Variants in WDHD1 observed in about 807,000 individuals in gnomAD.
The protein encoded by WDHD1 is WD repeat and HMG-box DNA-binding protein 1.
Under a neutral mutation model 135.4 loss-of-function variants are expected in WDHD1, and 111 were observed. The ratio of observed to expected loss-of-function variants is 0.82; its 90% CI spans 0.70 to 0.96. The LOEUF (loss-of-function observed/expected upper bound fraction) is 0.96. Ranked by LOEUF, WDHD1 falls within the 40% of genes least tolerant of loss-of-function variation. The pLI is 0.00. For synonymous variants in WDHD1, 434 were observed against 439.0 expected (o/e 0.99, Z 0.14); for missense variants, 1,351 against 1,336.3 (o/e 1.01, Z -0.17).
intron 24 of WDHD1, among the ~76,000 whole-genome samples, chr14:54,948,425 G>A (rs940529756): frequency 6.6e-6 from 1 of 152,156 alleles, no homozygotes; most frequent in East Asian, 1.9e-4. Flanking sequence ...GGCTCAGAGG[G>A]TCCCATGCCC....
In WDHD1 at chr14:54,996,453, A is replaced by T. The variant is rs189094557; in HGVS notation, c.943-640T>A. 3.0e-3 allele frequency among the ~76,000 whole-genome samples: 463 copies of T among 152,218 alleles called. 2 individuals carry two copies. Among genetic ancestry groups the T allele is most frequent in the Middle Eastern group, 0.01 (3 of 294 alleles). ...TGAAACCTCATCTCCACAAAAAATT[A>T]GCCAGGCATGGTGGCATGTGTCTAT... On this transcript the variant is annotated intron_variant, in intron 10 of 25. Coordinates refer to ENST00000360586, the MANE Select transcript of WDHD1 (RefSeq NM_007086.4).
At position 54,941,576 on chromosome 14, in the gene WDHD1, C is replaced by T. The variant is rs41309252; in HGVS notation, c.3304G>A (p.Glu1102Lys). 25,551 of 1,613,888 alleles carry T rather than the reference C, an allele frequency of 0.016. 270 individuals carry two copies. Among genetic ancestry groups the T allele is most frequent in the Middle Eastern group, 0.062 (378 of 6,058 alleles). Residue 1102 changes from glutamate (E) to lysine (K), a missense_variant, in exon 26 of 26, where the codon GAG becomes AAG. Around this residue, in one of 2 missense-constraint regions of WDHD1, gnomAD observed 1,330 missense variants for 1,296.1 expected, o/e 1.03. Transcript: ENST00000360586. ...TGCTTTTTAGACAAATTCAGGTTCT[C>T]TTTTGCTTTTTCTTCCTGGTTTTCT... is the stretch of plus-strand genomic sequence containing the variant. ...ETENQEEKAK[E>K]NLNLSKKQKP...
intron 10 of WDHD1, among the ~76,000 whole-genome samples, chr14:54,999,101 G>T (rs1212724123): frequency 6.6e-6 from 1 of 152,142 alleles, no homozygotes; most frequent in African/African-American, 2.4e-5. Flanking sequence ...CCCCAAAGAT[G>T]ATTTTTCCAA....
intron 13 of WDHD1, 45 bp from the exon 14 acceptor site, chr14:54,987,432 A>G (rs2041711769): frequency 6.7e-7 from 1 of 1,503,658 alleles, no homozygotes. Context: ...TTCATATGAT[A>G]TTTACATATA....
At position 54,960,561 on chromosome 14, in the gene WDHD1, G is replaced by A. The variant is rs553915646; in HGVS notation, c.2701+1937C>T. On this transcript the variant is annotated intron_variant, in intron 21 of 25. Transcript: ENST00000360586. ...GTCACCTAGGCTGGAGTGCAGTGGC[G>A]TGATCTCCACTTACTGCAACTCCCC... Among the ~76,000 whole-genome samples, 39 of 150,064 alleles carry A rather than the reference G, an allele frequency of 2.6e-4. 1 individual carries two copies. In the South Asian group the frequency reaches 7.8e-3, roughly 30 times the overall value.
rs764132001 is a variant in WDHD1 at position 55,026,724 on chromosome 14, C to CA, written c.63dup (p.Asp22Ter). The CA allele has an allele frequency of 1.2e-6, 2 of 1,614,220 alleles. No homozygotes were observed. Among genetic ancestry groups the CA allele is most frequent in the Admixed American group, 3.3e-5 (2 of 60,028 alleles). Reference sequence around the variant, plus strand: ...AAAGAACCTTACCTCCCAGAATCATCAAAACAGACCTCCGTGTGTCCCTCT... The same window carrying CA: ...AAAGAACCTTACCTCCCAGAATCATCAAAAACAGACCTCCGTGTGTCCCTCT... On this transcript the variant is annotated frameshift_variant, in exon 2 of 26. Transcript: ENST00000360586. LOFTEE classifies it high-confidence loss of function.
At chr14:54,987,434 T>A (rs367755494) in intron 13 of WDHD1, 47 bp from the exon 14 acceptor site, 1 of 1,425,786 alleles carries the variant, frequency 7.0e-7, no homozygotes. Flanking sequence ...CATATGATAT[T>A]TACATATATA....
intron 2 of WDHD1, among the ~76,000 whole-genome samples, chr14:55,017,826 G>T (rs1486725656): frequency 6.6e-6 from 1 of 151,520 alleles, no homozygotes; most frequent in Non-Finnish European, 1.5e-5. Context: ...CAGAATTTTT[G>T]AAAAAAACAT....
intron 2 of WDHD1, 36 bp from the exon 3 acceptor site, chr14:55,013,632 A>G (rs778051192): frequency 6.7e-7 from 1 of 1,499,508 alleles, no homozygotes; most frequent in South Asian, 1.1e-5. Flanking sequence ...GTCATCGGGC[A>G]TGGTGTCTCA....
At position 54,957,133 on chromosome 14, in the gene WDHD1, C is replaced by A. The variant is rs140401473; in HGVS notation, c.2817G>T (p.Met939Ile). Residue 939 changes from methionine to isoleucine, a missense_variant, in exon 23 of 26, where the codon ATG (methionine) becomes ATT (isoleucine). By Grantham distance (10) the Met-to-Ile change is conservative. This residue lies in a region of WDHD1 where 1,330 missense variants were observed against 1,296.1 expected (regional missense o/e 1.03). Coordinates refer to ENST00000360586, the MANE Select transcript of WDHD1 (RefSeq NM_007086.4). ...CAGTGGATTTCTTGGATGATTTGCC[C>A]ATATTGTCTAAAATATTAGTTGAAC... ...SARSTNILDN[M>I]GKSSKKSTAL... 7 of 1,614,086 alleles carry A rather than the reference C, an allele frequency of 4.3e-6. No individual in the cohort carries two copies. Among genetic ancestry groups the A allele is most frequent in the Middle Eastern group, 1.6e-4 (1 of 6,062 alleles).
intron 21 of WDHD1, among the ~76,000 whole-genome samples, chr14:54,958,502 T>C (rs1402095785): frequency 6.6e-6 from 1 of 152,108 alleles, no homozygotes; most frequent in Non-Finnish European, 1.5e-5. Context: ...CCATACAATA[T>C]AGCACTTCCA....
chr14:55,011,043 C>T (rs2042160217), intron 3 of WDHD1, among the ~76,000 whole-genome samples: 6 of 152,348 alleles, frequency 3.9e-5, no homozygotes, highest in Admixed American at 3.9e-4. Flanking sequence ...ACCATGACGA[C>T]ACCTTGATTT....
chr14:54,975,432 C>T (rs1308268664), intron 16 of WDHD1, among the ~76,000 whole-genome samples: 1 of 152,040 alleles, frequency 6.6e-6, no homozygotes, highest in East Asian at 1.9e-4. Context: ...ACTGCAACCT[C>T]TACCTCCCAG....
chr14:55,020,884 T>C (rs1209930157), intron 2 of WDHD1, among the ~76,000 whole-genome samples: 4 of 152,212 alleles, frequency 2.6e-5, no homozygotes, highest in Admixed American at 2.6e-4. Flanking sequence ...AGAAAAAATA[T>C]ATCAGGAAAA....
intron 2 of WDHD1, among the ~76,000 whole-genome samples, chr14:55,017,822 T>A (rs2042285700): frequency 6.6e-6 from 1 of 152,062 alleles, no homozygotes; most frequent in South Asian, 2.1e-4. Context: ...ACAACAGAAT[T>A]TTTGAAAAAA....
At chr14:54,987,065 C>A in intron 14 of WDHD1, 81 bp downstream of exon 14, 1 of 1,532,724 alleles carries the variant, frequency 6.5e-7, no homozygotes, top group Non-Finnish European at 8.9e-7. Context: ...TAATCCAAGA[C>A]AAAAAGAGTA....
Position 54,957,632 on chromosome 14 carries a change from G to T in WDHD1, c.2705C>A (p.Ala902Glu), listed in dbSNP as rs1403872758. Reference protein sequence around the residue: ...NSSDVSAKSGAVTFSSQGRVN... With the variant: ...NSSDVSAKSGEVTFSSQGRVN... ...TCGTCCTTGGCTGCTAAAGGTAACT[G>T]CACCTTTCACAAAAAAGAAACCCTT... is the stretch of plus-strand genomic sequence containing the variant. Residue 902 changes from alanine to glutamate, a missense_variant, in exon 22 of 26, where the codon GCA (alanine) becomes GAA (glutamate). Physicochemically the swap from Ala to Glu is moderately radical, Grantham distance 107. Coordinates refer to ENST00000360586, the MANE Select transcript of WDHD1 (RefSeq NM_007086.4). 1.2e-6 allele frequency: 2 copies of T among 1,605,834 alleles called. No individual in the cohort carries two copies. Among genetic ancestry groups the T allele is most frequent in the South Asian group, 1.1e-5 (1 of 89,006 alleles).
chr14:54,939,358 A>C lies in WDHD1; in HGVS notation c.*2132T>G, dbSNP rs183337620. ...TATGAGAGGCTTTAGATCATAGCACAGTCCCCAGAGCTGCACATAACCCCA... is the reference window on the plus strand; with the variant it reads ...TATGAGAGGCTTTAGATCATAGCACCGTCCCCAGAGCTGCACATAACCCCA... On this transcript the variant is annotated 3_prime_UTR_variant, in exon 26 of 26. Coordinates refer to ENST00000360586, the MANE Select transcript of WDHD1 (RefSeq NM_007086.4). 6.6e-6 allele frequency: 1 copy of C among 152,316 alleles called. No individual in the cohort carries two copies. 9.4% of individuals were successfully genotyped at this position (152,316 alleles called of 1,614,324 possible). A position where few individuals can be genotyped will look rare whatever the true frequency, so the allele number is the denominator to read the frequency against.
Position 54,966,459 on chromosome 14 carries a change from T to C in WDHD1, c.2310+16A>G, listed in dbSNP as rs756100025. On this transcript the variant is annotated intron_variant, in intron 18 of 25. Transcript: ENST00000360586. ...GCATTTAACTTTAACGTTTTCAGTA[T>C]ATTTATTTTACTCACCGCAAGCATT... is the stretch of plus-strand genomic sequence containing the variant. 5.7e-6 allele frequency: 9 copies of C among 1,588,286 alleles called. No homozygotes were observed. The African/African-American group carries it at 1.2e-4, about 22-fold the overall frequency.
Sources: allele counts gnomAD v4.1 joint callset (sites outside exome capture counted in the v4.1 genomes callset), GRCh38; gene constraint gnomAD v4.1.1; regional missense constraint gnomAD v4.1.1; transcripts MANE v1.5; gene names NCBI Gene and HGNC (gene_info 2026-07-23, HGNC 2026-07-21).